The following SGK3 variants were observed in gnomAD, a reference collection of about 807,000 sequenced individuals.
The protein encoded by SGK3 is serine/threonine-protein kinase Sgk3.
Under a neutral mutation model 68.5 loss-of-function variants are expected in SGK3, and 47 were observed. That is an observed-to-expected ratio of 0.69 (90% CI 0.54 to 0.87). The LOEUF is 0.87. SGK3 is among the 40% of genes least tolerant of loss of function. The pLI is 0.00. For synonymous variants in SGK3, 181 were observed against 189.1 expected, an observed-to-expected ratio of 0.96 and a Z score of 0.35; for missense variants, 479 against 575.5, an observed-to-expected ratio of 0.83 and a Z score of 1.72.
chr8:66,808,184 C>T (rs1020707367), intron 4 of SGK3, among the ~76,000 whole-genome samples: 1 of 152,144 alleles, frequency 6.6e-6, no homozygotes, highest in Admixed American at 6.5e-5. Context: ...ATACCTTTGA[C>T]TTTGGAACCA....
intron 7 of SGK3, among the ~76,000 whole-genome samples, chr8:66,830,419 C>G (rs1416299874): frequency 6.6e-6 from 1 of 152,124 alleles, no homozygotes; most frequent in Non-Finnish European, 1.5e-5. Flanking sequence ...TAACCTAGTT[C>G]TGGTTTTACT....
intron 15 of SGK3, among the ~76,000 whole-genome samples, chr8:66,848,992 C>T (rs543420678): frequency 2.0e-5 from 3 of 152,128 alleles, no homozygotes; most frequent in South Asian, 2.1e-4. Context: ...AGCACACGTG[C>T]GTCTCATCTC....
chr8:66,790,917 T>C (rs931498608), intron 1 of SGK3: 3 of 152,208 alleles, frequency 2.0e-5, no homozygotes, highest in African/African-American at 4.8e-5. Flanking sequence ...ACACATTCCA[T>C]TTTTGAGGCT....
chr8:66,760,330 C>CTTTTTCTTTTTTT (rs1806119980), intron 1 of SGK3, among the ~76,000 whole-genome samples: 2 of 115,646 alleles, frequency 1.7e-5, no homozygotes, highest in Admixed American at 9.0e-5. Context: ...TTTCTTTTTT[C>CTTTTTCTTTTTTT]TTTTTTTTTT....
In SGK3 at chr8:66,802,092, C is replaced by T. The variant is rs187439860; in HGVS notation, c.181-2283C>T. ...CTAATTTCTTTTGTATTTCTTTTCACCCTTTTTTCATTGTTCTTATTTCAT... is the reference window on the plus strand; with the variant it reads ...CTAATTTCTTTTGTATTTCTTTTCATCCTTTTTTCATTGTTCTTATTTCAT... On this transcript the variant is annotated intron_variant, in intron 3 of 16. Transcript: ENST00000521198. Among the ~76,000 whole-genome samples the T allele has an allele frequency of 9.9e-4, 151 of 152,190 alleles. 1 individual carries two copies. The highest frequency in any genetic ancestry group is 3.6e-3 in the African/African-American group (148 of 41,524).
intron 3 of SGK3, among the ~76,000 whole-genome samples, chr8:66,800,513 G>C (rs1471385972): frequency 6.6e-6 from 1 of 151,532 alleles, no homozygotes; most frequent in East Asian, 1.9e-4. Context: ...ATGCCTGTGG[G>C]TTATTATTTG....
intron 16 of SGK3, among the ~76,000 whole-genome samples, chr8:66,857,895 A>G (rs1810588918): frequency 6.6e-6 from 1 of 151,316 alleles, no homozygotes; most frequent in African/African-American, 2.4e-5. Context: ...AAAGTTAACC[A>G]CTGCCTTTGA....
At chr8:66,826,782 T>G (rs1809075973) in intron 6 of SGK3, among the ~76,000 whole-genome samples, 1 of 151,914 alleles carries the variant, frequency 6.6e-6, no homozygotes, top group Non-Finnish European at 1.5e-5. Flanking sequence ...GTAGCTGGGA[T>G]TACAGGTGCC....
intron 6 of SGK3, among the ~76,000 whole-genome samples, chr8:66,828,340 A>C (rs1809152253): frequency 6.6e-6 from 1 of 152,238 alleles, no homozygotes; most frequent in African/African-American, 2.4e-5. Flanking sequence ...CTTAAATTGC[A>C]GTTGCAATAC....
At chr8:66,812,726 A>G (rs1035501266) in intron 4 of SGK3, among the ~76,000 whole-genome samples, 1 of 151,956 alleles carries the variant, frequency 6.6e-6, no homozygotes, top group African/African-American at 2.4e-5. Context: ...ATCTCATTTA[A>G]TCCTATAACA....
At chr8:66,782,863 A>G (rs575805241) in intron 1 of SGK3, among the ~76,000 whole-genome samples, 52 of 152,332 alleles carry the variant, frequency 3.4e-4, no homozygotes, top group African/African-American at 1.1e-3. Flanking sequence ...ACTACAGTGT[A>G]TTAATCTATT....
chr8:66,740,703 T>C (rs1248905586), intron 1 of SGK3, among the ~76,000 whole-genome samples: 1 of 151,822 alleles, frequency 6.6e-6, no homozygotes, highest in African/African-American at 2.4e-5. Context: ...GGTCAGGAGG[T>C]CAAGACCAGC....
At chr8:66,829,605 C>T (rs1372546940) in intron 7 of SGK3, among the ~76,000 whole-genome samples, 1 of 152,110 alleles carries the variant, frequency 6.6e-6, no homozygotes, top group Non-Finnish European at 1.5e-5. Context: ...GAAAATTGAC[C>T]ACTGGATTTC....
rs190662214 is a variant in SGK3 at position 66,716,688 on chromosome 8, G to A, written c.-122+3855G>A. ...AAGTAAGTGATGTTAGTGAGGTCTT[G>A]TGGCAGAGGATTCCTGTGCAGTGCA... On this transcript the variant is annotated intron_variant, in intron 1 of 16. Transcript: ENST00000521198. 3.5e-4 allele frequency among the ~76,000 whole-genome samples: 54 copies of A among 152,284 alleles called. 1 individual carries two copies. The highest frequency in any genetic ancestry group is 3.3e-3 in the Admixed American group (50 of 15,296).
chr8:66,789,302 T>C (rs1235098248), intron 1 of SGK3, among the ~76,000 whole-genome samples: 1 of 152,178 alleles, frequency 6.6e-6, no homozygotes, highest in African/African-American at 2.4e-5. Context: ...ATCCTTTCTG[T>C]TTTTGATAGT....
chr8:66,724,887 T>A (rs1804932328), intron 1 of SGK3, among the ~76,000 whole-genome samples: 1 of 152,036 alleles, frequency 6.6e-6, no homozygotes, highest in African/African-American at 2.4e-5. Flanking sequence ...AAGTCAGAGG[T>A]TCGAGTCCAG....
intron 1 of SGK3, among the ~76,000 whole-genome samples, chr8:66,761,767 TA>T (rs980513068): frequency 9.4e-5 from 14 of 148,316 alleles, no homozygotes; most frequent in Non-Finnish European, 9.0e-5. Flanking sequence ...AGACTCTCTC[TA>T]AAAAAAAAAT....
At chr8:66,765,940 G>A (rs1435004042) in intron 1 of SGK3, among the ~76,000 whole-genome samples, 1 of 151,682 alleles carries the variant, frequency 6.6e-6, no homozygotes, top group African/African-American at 2.4e-5. Context: ...CAGGAGAATG[G>A]CATGAACCTG....
chr8:66,852,833 T>G (rs1447655719), intron 16 of SGK3, among the ~76,000 whole-genome samples: 1 of 152,200 alleles, frequency 6.6e-6, no homozygotes, highest in Non-Finnish European at 1.5e-5. Context: ...CTAAGACTCT[T>G]AAGAATTATT....
Sources: gnomAD v4.1 joint callset for allele counts (sites outside exome capture counted in the v4.1 genomes callset) on GRCh38, gnomAD v4.1.1 for gene constraint, MANE v1.5 for transcripts, NCBI Gene and HGNC (gene_info 2026-07-23, HGNC 2026-07-21) for gene names.